Variants in TBC1D2 observed in about 807,000 individuals in gnomAD.
TBC1D2 encodes TBC1 domain family member 2.
A neutral mutation model predicts 91.1 loss-of-function variants in TBC1D2; 58 were observed. The observed-to-expected ratio is 0.64, with a 90% CI of 0.52 to 0.79. TBC1D2 has a LOEUF of 0.79. TBC1D2 is among the 30% of genes least tolerant of loss of function. The pLI, the probability that TBC1D2 is intolerant of heterozygous loss-of-function variation, is 0.00. For synonymous variants in TBC1D2, 482 were observed against 511.5 expected, an observed-to-expected ratio of 0.94 and a Z score of 0.78; for missense variants, 1,080 against 1,208.3, an observed-to-expected ratio of 0.89 and a Z score of 1.57.
intron 7 of TBC1D2, 74 bp downstream of exon 7, chr9:98,213,034 G>C: frequency 6.6e-7 from 1 of 1,517,058 alleles, no homozygotes; most frequent in South Asian, 1.1e-5. Context: ...AGGAGAGTGA[G>C]ACGGAGTGGG....
chr9:98,202,908 G>A (rs1386762826), intron 10 of TBC1D2, among the ~76,000 whole-genome samples: 1 of 152,272 alleles, frequency 6.6e-6, no homozygotes, highest in East Asian at 1.9e-4. Flanking sequence ...GCTGGGTCAG[G>A]GAGCCAGCTC....
At chr9:98,203,462 C>A (rs1245936411) in intron 9 of TBC1D2, 54 bp from the exon 10 acceptor site, 2 of 1,601,884 alleles carry the variant, frequency 1.2e-6, no homozygotes, top group Non-Finnish European at 1.7e-6. Flanking sequence ...CCCTGCCAGG[C>A]AGCACATGGC....
At chr9:98,199,623 A>G (rs1254811679) in intron 12 of TBC1D2, 35 bp from the exon 13 acceptor site, 4 of 1,608,906 alleles carry the variant, frequency 2.5e-6, no homozygotes, top group Non-Finnish European at 3.4e-6. Flanking sequence ...AGAGCACGTC[A>G]CCCCACCTGG....
At chr9:98,205,047 T>G (rs940076859) in intron 9 of TBC1D2, among the ~76,000 whole-genome samples, 2 of 152,212 alleles carry the variant, frequency 1.3e-5, no homozygotes, top group African/African-American at 2.4e-5. Flanking sequence ...TCATCTCTGG[T>G]CTAAACAAAC....
chr9:98,244,629 AGCCTGG>A (rs1212311443), intron 2 of TBC1D2, among the ~76,000 whole-genome samples: 3 of 138,146 alleles, frequency 2.2e-5, no homozygotes, highest in African/African-American at 8.3e-5. Flanking sequence ...ATTGCACTCC[AGCCTGG>A]GCAACAAGAG....
At chr9:98,242,771 G>A (rs531545026) in intron 3 of TBC1D2, among the ~76,000 whole-genome samples, 7 of 138,894 alleles carry the variant, frequency 5.0e-5, no homozygotes, top group African/African-American at 1.9e-4. Flanking sequence ...AACCCAGGCA[G>A]TTTGCTTCCA....
intron 10 of TBC1D2, among the ~76,000 whole-genome samples, chr9:98,202,472 C>A (rs1828533582): frequency 1.3e-5 from 2 of 152,226 alleles, no homozygotes; most frequent in African/African-American, 4.8e-5. Flanking sequence ...TAGCTCCCCT[C>A]CTCCCTCACC....
At chr9:98,208,556 G>T in intron 9 of TBC1D2, 112 bp downstream of exon 9, 3 of 1,015,188 alleles carry the variant, frequency 3.0e-6, no homozygotes, top group Non-Finnish European at 4.2e-6. Context: ...CTCACCTCCT[G>T]CTGTGCGGCC....
chr9:98,229,072 G>A lies in TBC1D2; in HGVS notation c.858C>T (p.Arg286=), dbSNP rs754185439. The change falls in exon 5 of 13, where the codon CGC becomes CGT. Residue 286 remains arginine (R), a synonymous_variant. Coordinates refer to ENST00000465784, the MANE Select transcript of TBC1D2 (RefSeq NM_001267571.2). ...AAAAGAATGGGAAGGTGTTGTTCTG[G>A]CGCTTGGCTTTCTGAGCGAAACTGA... ...LTISFAQKAK[R]QNNTFPFFSE... is the part of the protein sequence containing the mutation. The A allele has an allele frequency of 6.2e-7, 1 of 1,614,202 alleles. No homozygotes were observed. The highest frequency in any genetic ancestry group is 1.3e-5 in the African/African-American group (1 of 75,048).
At chr9:98,225,205 G>A (rs2119104991) in intron 5 of TBC1D2, among the ~76,000 whole-genome samples, 1 of 152,304 alleles carries the variant, frequency 6.6e-6, no homozygotes, top group African/African-American at 2.4e-5. Context: ...ACAGACAACA[G>A]CCTTCCATCT....
chr9:98,203,880 T>G (rs1828578507), intron 9 of TBC1D2, among the ~76,000 whole-genome samples: 1 of 152,198 alleles, frequency 6.6e-6, no homozygotes, highest in Non-Finnish European at 1.5e-5. Context: ...CTAACCTCTC[T>G]GGGCCTTGGT....
intron 10 of TBC1D2, among the ~76,000 whole-genome samples, chr9:98,202,918 C>G (rs964560543): frequency 2.6e-5 from 4 of 152,274 alleles, no homozygotes; most frequent in African/African-American, 9.6e-5. Context: ...GGAGCCAGCT[C>G]CTGGTGTTCA....
chr9:98,200,243 G>T lies in TBC1D2; in HGVS notation c.2579+10C>A, dbSNP rs750509324. 1.2e-6 allele frequency: 2 copies of T among 1,613,396 alleles called. No homozygotes were observed. Among genetic ancestry groups the T allele is most frequent in the African/African-American group, 2.7e-5 (2 of 74,988 alleles). ...AGTGGTGGGAGTGGCAGGGGGTGGG[G>T]GTTCCTCACCGGCTGTTGGAGATGG... On this transcript the variant is annotated intron_variant, in intron 12 of 12. Transcript: ENST00000465784.
chr9:98,210,750 C>T lies in TBC1D2; in HGVS notation c.1579G>A (p.Glu527Lys), dbSNP rs371048416. The T allele has an allele frequency of 1.2e-5, 19 of 1,573,940 alleles. No individual in the cohort carries two copies. The highest frequency in any genetic ancestry group is 4.1e-5 in the African/African-American group (3 of 73,884). ...AGCTGCCTCAGCAGCTCTGAGCACTCGCTGGCTTCGTCCCCCAGGGCCTCC... is the reference window on the plus strand; with the variant it reads ...AGCTGCCTCAGCAGCTCTGAGCACTTGCTGGCTTCGTCCCCCAGGGCCTCC... ...LQEALGDEASECSELLRQLVQ... is the reference protein window; with the variant it reads ...LQEALGDEASKCSELLRQLVQ... The change falls in exon 8 of 13, where the codon GAG (glutamate) becomes AAG (lysine). Residue 527 changes from glutamate to lysine, a missense_variant. Glu to Lys is a moderately conservative substitution (Grantham distance 56). Coordinates refer to ENST00000465784, the MANE Select transcript of TBC1D2 (RefSeq NM_001267571.2).
intron 2 of TBC1D2, among the ~76,000 whole-genome samples, chr9:98,249,950 G>A (rs1829837171): frequency 6.6e-6 from 1 of 152,096 alleles, no homozygotes. Flanking sequence ...CCAGGGAGGT[G>A]ACACAGGCAA....
At chr9:98,218,785 G>A (rs781716196) in intron 6 of TBC1D2, among the ~76,000 whole-genome samples, 4 of 152,060 alleles carry the variant, frequency 2.6e-5, no homozygotes, top group Non-Finnish European at 5.9e-5. Flanking sequence ...CCACCTCGTG[G>A]GCTCAAGCGA....
At chr9:98,199,908 A>G (rs1301455226) in intron 12 of TBC1D2, among the ~76,000 whole-genome samples, 1 of 152,198 alleles carries the variant, frequency 6.6e-6, no homozygotes, top group African/African-American at 2.4e-5. Flanking sequence ...GTGGTGGTGG[A>G]AGTGGCAAGG....
chr9:98,216,759 C>T (rs1356334019), intron 6 of TBC1D2, among the ~76,000 whole-genome samples: 1 of 152,172 alleles, frequency 6.6e-6, no homozygotes, highest in East Asian at 1.9e-4. Context: ...GGCTGGAATG[C>T]AATGGCATGA....
Position 98,228,888 on chromosome 9 carries a change from C to G in TBC1D2, c.978+64G>C. The G allele has an allele frequency of 6.5e-7, 1 of 1,534,730 alleles. No homozygotes were observed. The highest frequency in any genetic ancestry group is 8.9e-7 in the Non-Finnish European group (1 of 1,127,066). On this transcript the variant is annotated intron_variant, in intron 5 of 12. Transcript: ENST00000465784. The surrounding 1 kb of genome is among the most constrained non-coding windows in gnomAD (Gnocchi z 4.0). ...GCTAATGCGTCCCATCTAGCTTATC[C>G]GAAAGGCTCCAGGAACTGGAGGGGT...
Sources: allele counts gnomAD v4.1 joint callset (sites outside exome capture counted in the v4.1 genomes callset), GRCh38; gene constraint gnomAD v4.1.1; non-coding constraint Gnocchi (gnomAD v3.1); transcripts MANE v1.5; gene names NCBI Gene and HGNC (gene_info 2026-07-23, HGNC 2026-07-21).